ITPR2: variants seen among roughly 807,000 people sequenced by gnomAD.
ITPR2 encodes inositol 1,4,5-trisphosphate-gated calcium channel ITPR2.
ITPR2 carries 207 observed loss-of-function variants against 317.1 expected under a neutral mutation model. The observed-to-expected ratio is 0.65, with a 90% CI of 0.58 to 0.73. The LOEUF (loss-of-function observed/expected upper bound fraction) is 0.73, where lower values mean the gene tolerates loss of function less well. ITPR2 is among the 30% of genes least tolerant of loss of function. The pLI is 0.00. For synonymous variants in ITPR2, 1,156 were observed against 1,149.1 expected (o/e 1.01, Z -0.12); for missense variants, 2,613 against 3,284.0 (o/e 0.80, Z 4.99).
chr12:26,774,010 T>A (rs67982507), intron 2 of ITPR2, among the ~76,000 whole-genome samples: 6 of 112,110 alleles, frequency 5.4e-5, no homozygotes, highest in Non-Finnish European at 7.5e-5. Context: ...TTTTTTTTTT[T>A]AGTATAAAGC....
At chr12:26,492,361 G>A (rs952679244) in intron 39 of ITPR2, among the ~76,000 whole-genome samples, 1 of 151,684 alleles carries the variant, frequency 6.6e-6, no homozygotes, top group Non-Finnish European at 1.5e-5. Flanking sequence ...AAGTGCGAAG[G>A]ATGAAGGATG....
chr12:26,562,860 T>C (rs958266571), intron 34 of ITPR2, among the ~76,000 whole-genome samples: 1 of 151,238 alleles, frequency 6.6e-6, no homozygotes, highest in Non-Finnish European at 1.5e-5. Flanking sequence ...GGCACATGTA[T>C]ACATATGTAA....
intron 2 of ITPR2, among the ~76,000 whole-genome samples, chr12:26,774,779 T>C (rs564169081): frequency 6.6e-6 from 1 of 152,338 alleles, no homozygotes; most frequent in African/African-American, 2.4e-5. Context: ...TTCCTGGATC[T>C]CTCTTTTTCT....
intron 49 of ITPR2, among the ~76,000 whole-genome samples, chr12:26,426,360 C>T (rs916513983): frequency 6.6e-6 from 1 of 152,044 alleles, no homozygotes; most frequent in Non-Finnish European, 1.5e-5. Flanking sequence ...TTCTAATTTG[C>T]TTGGTTGGTA....
intron 47 of ITPR2, 101 bp from the exon 48 acceptor site, chr12:26,436,447 G>T: frequency 9.8e-7 from 1 of 1,022,438 alleles, no homozygotes; most frequent in Non-Finnish European, 1.4e-6. Context: ...CATCATTTTT[G>T]TAAACTATTA....
intron 37 of ITPR2, among the ~76,000 whole-genome samples, chr12:26,527,380 A>C (rs938238094): frequency 6.6e-6 from 1 of 152,250 alleles, no homozygotes; most frequent in Non-Finnish European, 1.5e-5. Flanking sequence ...AATGCCTAAA[A>C]GTGTCATCAA....
intron 55 of ITPR2, among the ~76,000 whole-genome samples, chr12:26,365,796 A>G (rs1938990163): frequency 1.3e-5 from 2 of 152,254 alleles, no homozygotes; most frequent in Non-Finnish European, 2.9e-5. Context: ...TTAAACACAA[A>G]AGCCAATGAG....
intron 2 of ITPR2, among the ~76,000 whole-genome samples, chr12:26,768,571 TAAAAAAAAAAAA>T: frequency 1.0e-5 from 1 of 96,164 alleles, no homozygotes; most frequent in Admixed American, 1.2e-4. Context: ...CAAATATATA[TAAAAAAAAAAAA>T]AAAAAAAAAA....
chr12:26,450,527 GA>G (rs1308652929), intron 45 of ITPR2, among the ~76,000 whole-genome samples: 2 of 152,168 alleles, frequency 1.3e-5, no homozygotes, highest in Non-Finnish European at 2.9e-5. Context: ...AGTAGGGTCA[GA>G]GTCCTGTGAG....
chr12:26,602,441 G>T lies in ITPR2; in HGVS notation c.3607C>A (p.His1203Asn), dbSNP rs1651013714. ...CCCATATTTTTCAGTAATCGTTGAT[G>T]TTGATTCCGACACTTTTTATTCTGC... ...CVQNKKCRNQHQRLLKNMGAH... is the reference protein window; with the variant it reads ...CVQNKKCRNQNQRLLKNMGAH... Residue 1203 changes from histidine (H) to asparagine (N), a missense_variant, in exon 28 of 57, where the codon CAT becomes AAT. By Grantham distance (68) the His-to-Asn change is moderately conservative. Coordinates refer to ENST00000381340, the MANE Select transcript of ITPR2 (RefSeq NM_002223.4). 14 of 1,613,628 alleles carry T rather than the reference G, an allele frequency of 8.7e-6. No individual in the cohort carries two copies. The highest frequency in any genetic ancestry group is 1.2e-5 in the Non-Finnish European group (14 of 1,179,728).
chr12:26,422,011 TTG>T (rs773330816), intron 49 of ITPR2, among the ~76,000 whole-genome samples: 80 of 141,806 alleles, frequency 5.6e-4, no homozygotes, highest in Admixed American at 1.0e-3. Flanking sequence ...AAATTAATGT[TTG>T]TTTGTTAATT....
intron 16 of ITPR2, 25 bp downstream of exon 16, chr12:26,659,088 G>T (rs769566580): frequency 6.3e-7 from 1 of 1,576,326 alleles, no homozygotes; most frequent in Non-Finnish European, 8.7e-7. Flanking sequence ...CACTAGAAAA[G>T]AATACCGCAT....
rs71437306 is a variant in ITPR2, at chr12:26,666,135, G to GAGATAGAT, written c.1410-92_1410-85dup. 116 of 411,644 alleles carry GAGATAGAT rather than the reference G, an allele frequency of 2.8e-4. 3 individuals carry two copies. The highest frequency in any genetic ancestry group is 4.7e-4 in the African/African-American group (21 of 44,900). The allele number at this position is 411,644 out of a possible 1,614,324, so 25.5% of individuals were successfully genotyped here. A position where few individuals can be genotyped will look rare whatever the true frequency, so the allele number is the denominator to read the frequency against. ...TAGATAGATGATAGGTAGGTAGGTA[G>GAGATAGAT]AGATAGATAGATAGATAGATAGATA... On this transcript the variant is annotated intron_variant, in intron 13 of 56. Coordinates refer to ENST00000381340, the MANE Select transcript of ITPR2 (RefSeq NM_002223.4).
At chr12:26,566,343 AGAAGGG>A (rs1252996425) in intron 34 of ITPR2, among the ~76,000 whole-genome samples, 23 of 133,070 alleles carry the variant, frequency 1.7e-4, no homozygotes, top group South Asian at 2.8e-4. Flanking sequence ...GAGGAGAAGG[AGAAGGG>A]GAAGAGGAAA....
chr12:26,789,266 TC>T (rs1301143751), intron 2 of ITPR2, among the ~76,000 whole-genome samples: 1 of 152,182 alleles, frequency 6.6e-6, no homozygotes, highest in African/African-American at 2.4e-5. Context: ...AATAAAACAT[TC>T]CCATAAGAGA....
chr12:26,359,186 G>A (rs1938740962), intron 55 of ITPR2, among the ~76,000 whole-genome samples: 1 of 152,196 alleles, frequency 6.6e-6, no homozygotes, highest in Non-Finnish European at 1.5e-5. Context: ...AATAAGTGAA[G>A]AAATACAGAG....
intron 25 of ITPR2, among the ~76,000 whole-genome samples, 154 bp downstream of exon 25, chr12:26,622,086 G>A (rs1305508898): frequency 1.3e-5 from 2 of 152,122 alleles, no homozygotes; most frequent in Admixed American, 6.5e-5. Context: ...TCACGTCCTG[G>A]CATAGACAAG....
At chr12:26,625,438 A>G (rs1479007330) in intron 23 of ITPR2, among the ~76,000 whole-genome samples, 3 of 152,168 alleles carry the variant, frequency 2.0e-5, no homozygotes, top group East Asian at 3.8e-4. Context: ...TACTCCATAT[A>G]CCCCACAAAT....
intron 34 of ITPR2, among the ~76,000 whole-genome samples, chr12:26,565,840 T>G (rs570960019): frequency 4.4e-3 from 267 of 60,608 alleles, no homozygotes; most frequent in Middle Eastern, 0.012. Context: ...GAGAGGAGAG[T>G]AGAGAGGAGA....
Sources: gnomAD v4.1 joint callset for allele counts (sites outside exome capture counted in the v4.1 genomes callset) on GRCh38, gnomAD v4.1.1 for gene constraint, MANE v1.5 for transcripts, NCBI Gene and HGNC (gene_info 2026-07-23, HGNC 2026-07-21) for gene names.